Variants in FERMT1 observed in about 807,000 individuals in gnomAD.
FERMT1 encodes FERM domain containing kindlin 1.
Under a neutral mutation model 85.3 loss-of-function variants are expected in FERMT1, and 60 were observed. That is an observed-to-expected ratio of 0.70 (90% CI 0.57 to 0.87). The LOEUF (loss-of-function observed/expected upper bound fraction) is 0.87. Ranked by LOEUF, FERMT1 falls within the 40% of genes least tolerant of loss-of-function variation. The pLI, the probability that FERMT1 is intolerant of heterozygous loss-of-function variation, is 0.00. For synonymous variants in FERMT1, 275 were observed against 301.1 expected, an observed-to-expected ratio of 0.91 and a Z score of 0.90; for missense variants, 701 against 818.9, an observed-to-expected ratio of 0.86 and a Z score of 1.76.
rs1346687311 is a variant in FERMT1, at chr20:6,085,163, T to C, written c.1496A>G (p.Asn499Ser). 1 of 1,614,038 alleles carries C rather than the reference T, an allele frequency of 6.2e-7. No individual in the cohort carries two copies. The highest frequency in any genetic ancestry group is 1.3e-5 in the African/African-American group (1 of 74,980). The change falls in exon 12 of 15, where the codon AAC (asparagine) becomes AGC (serine). Residue 499 changes from asparagine to serine, a missense_variant. Coordinates refer to ENST00000217289, the MANE Select transcript of FERMT1 (RefSeq NM_017671.5). ...ACTGGAAGCCACCTGAGATGCAGAG[T>C]TCCTGTTTTTCATCCTCAGAAATGA... Reference protein sequence around the residue: ...ILSFLRMKNRNSASQVASSLE... With the variant: ...ILSFLRMKNRSSASQVASSLE...
At chr20:6,093,488 T>C (rs950334156) in intron 9 of FERMT1, among the ~76,000 whole-genome samples, 1 of 152,260 alleles carries the variant, frequency 6.6e-6, no homozygotes, top group East Asian at 1.9e-4. Flanking sequence ...ATTTGGTTCA[T>C]GAGGGGCTTG....
chr20:6,080,058 T>C (rs1328997556), intron 13 of FERMT1, among the ~76,000 whole-genome samples: 1 of 152,016 alleles, frequency 6.6e-6, no homozygotes, highest in Admixed American at 6.6e-5. Flanking sequence ...AGTGAAAAGG[T>C]GACATTTGAT....
At position 6,077,346 on chromosome 20, in the gene FERMT1, C is replaced by A; in HGVS notation, c.1861G>T (p.Val621Leu). The A allele has an allele frequency of 3.7e-6, 6 of 1,614,040 alleles. No homozygotes were observed. Among genetic ancestry groups the A allele is most frequent in the Non-Finnish European group, 5.1e-6 (6 of 1,179,992 alleles). ...ACGTTTTGGTCAAACTCGATGACCA[C>A]CTGGAAGAGGAAGGCACAGAGAAGC... Reference protein sequence around the residue: ...QWNVNWETRQVVIEFDQNVFT... With the variant: ...QWNVNWETRQLVIEFDQNVFT... Residue 621 changes from valine (V) to leucine (L), a missense_variant and splice_region_variant, in exon 15 of 15, where the codon GTG (valine) becomes TTG (leucine). Coordinates refer to ENST00000217289, the MANE Select transcript of FERMT1 (RefSeq NM_017671.5).
Position 6,107,622 on chromosome 20 carries a change from G to C in FERMT1, c.759C>G (p.Ser253=). Residue 253 remains serine, a synonymous_variant, in exon 6 of 15, where the codon TCC becomes TCG. Transcript: ENST00000217289. ...KAKLNAGWLD[S]SRSLMEQGIQ... The stretch of plus-strand genomic sequence containing the variant: ...TGCCTTGTTCCATAAGGGAGCGTGA[G>C]GAGTCTAGCCAACTAGAAAATGACA... The C allele has an allele frequency of 3.7e-6, 6 of 1,605,666 alleles. No homozygotes were observed. The highest frequency in any genetic ancestry group is 5.1e-6 in the Non-Finnish European group (6 of 1,172,654).
intron 4 of FERMT1, among the ~76,000 whole-genome samples, chr20:6,111,460 T>C (rs1046686298): frequency 2.1e-4 from 32 of 152,120 alleles, no homozygotes; most frequent in African/African-American, 7.5e-4. Context: ...GGCAAAACCC[T>C]GTCTCTACTA....
rs1349770296 is a variant in FERMT1, at chr20:6,075,088, G to T, written c.*2085C>A. 1 of 149,966 alleles carries T rather than the reference G, an allele frequency of 6.7e-6. No homozygotes were observed. 9.3% of individuals were successfully genotyped at this position (149,966 alleles called of 1,614,324 possible). A position where few individuals can be genotyped will look rare whatever the true frequency, so the allele number is the denominator to read the frequency against. ...TTGTCACACTTGTTTATTTCTTTGG[G>T]ATGTTGCTGTGTGTCATGGAAGAAA... On this transcript the variant is annotated 3_prime_UTR_variant, in exon 15 of 15. Coordinates refer to ENST00000217289, the MANE Select transcript of FERMT1 (RefSeq NM_017671.5).
At chr20:6,083,658 C>A (rs1011166381) in intron 13 of FERMT1, among the ~76,000 whole-genome samples, 5 of 125,444 alleles carry the variant, frequency 4.0e-5, no homozygotes, top group East Asian at 3.0e-4. Flanking sequence ...ATGAGACACC[C>A]CCCCCCCCGG....
intron 9 of FERMT1, among the ~76,000 whole-genome samples, chr20:6,090,173 C>A (rs563584402): frequency 1.3e-5 from 2 of 152,142 alleles, no homozygotes; most frequent in South Asian, 2.1e-4. Flanking sequence ...CTCCCTGGTT[C>A]AAGGGGTTCT....
intron 6 of FERMT1, among the ~76,000 whole-genome samples, chr20:6,107,289 T>C (rs1982824869): frequency 1.3e-5 from 2 of 151,562 alleles, no homozygotes; most frequent in Non-Finnish European, 2.9e-5. Context: ...GGGCAGTGCA[T>C]GCCACGCTAG....
Position 6,116,017 on chromosome 20 carries a change from G to C in FERMT1, c.179C>G (p.Ala60Gly). 3.7e-6 allele frequency: 6 copies of C among 1,614,068 alleles called. No homozygotes were observed. The highest frequency in any genetic ancestry group is 5.1e-6 in the Non-Finnish European group (6 of 1,179,954). Residue 60 changes from alanine to glycine, a missense_variant, in exon 3 of 15, where the codon GCT becomes GGT. Coordinates refer to ENST00000217289, the MANE Select transcript of FERMT1 (RefSeq NM_017671.5). Reference protein sequence around the residue: ...INISQDWSDFALWWEQKHCWL... With the variant: ...INISQDWSDFGLWWEQKHCWL... ...GCAATGCTTCTGTTCCCACCAAAGA[G>C]CAAAGTCTGACCAGTCTTGGGATAT... is the stretch of plus-strand genomic sequence containing the variant.
chr20:6,088,914 G>A (rs756760052), intron 10 of FERMT1, 51 bp downstream of exon 10: 13 of 1,583,554 alleles, frequency 8.2e-6, no homozygotes, highest in African/African-American at 1.3e-5. Context: ...TTGAGCCACC[G>A]CGTCTGCCCT....
At chr20:6,100,870 A>G (rs913087155) in intron 6 of FERMT1, among the ~76,000 whole-genome samples, 3 of 152,220 alleles carry the variant, frequency 2.0e-5, no homozygotes, top group African/African-American at 7.2e-5. Flanking sequence ...TATTTGAATA[A>G]TTAAAAAAGT....
intron 2 of FERMT1, among the ~76,000 whole-genome samples, chr20:6,116,842 G>A (rs374225196): frequency 3.5e-4 from 53 of 152,212 alleles, no homozygotes; most frequent in Middle Eastern, 3.4e-3. Flanking sequence ...AGTTCTGTTC[G>A]CTAAAATCTC....
chr20:6,112,721 A>ATG, intron 3 of FERMT1, 98 bp from the exon 4 acceptor site: 1 of 910,972 alleles, frequency 1.1e-6, no homozygotes, highest in Non-Finnish European at 1.6e-6. Flanking sequence ...TTTCTCAGGA[A>ATG]ATTTCTGAAA....
At chr20:6,098,808 G>GT (rs1399962542) in intron 6 of FERMT1, among the ~76,000 whole-genome samples, 1 of 152,116 alleles carries the variant, frequency 6.6e-6, no homozygotes, top group African/African-American at 2.4e-5. Flanking sequence ...TAAAAGACAG[G>GT]TAATAACCAG....
At position 6,077,860 on chromosome 20, in the gene FERMT1, C is replaced by T. The variant is rs541306861; in HGVS notation, c.1861-514G>A. ...CACACCTGGCTAATTTTTGTATTTTCAGTAGAGACGGGGGTTTCACCATGT... is the reference window on the plus strand; with the variant it reads ...CACACCTGGCTAATTTTTGTATTTTTAGTAGAGACGGGGGTTTCACCATGT... On this transcript the variant is annotated intron_variant, in intron 14 of 14. Coordinates refer to ENST00000217289, the MANE Select transcript of FERMT1 (RefSeq NM_017671.5). Among the ~76,000 whole-genome samples the T allele has an allele frequency of 6.6e-5, 10 of 152,018 alleles. No homozygotes were observed. The South Asian group carries it at 2.1e-3, about 32-fold the overall frequency.
intron 3 of FERMT1, among the ~76,000 whole-genome samples, chr20:6,114,065 C>T (rs1285137150): frequency 6.6e-6 from 1 of 152,140 alleles, no homozygotes; most frequent in African/African-American, 2.4e-5. Flanking sequence ...GCACTGATTC[C>T]ATTAAGTTCT....
chr20:6,109,902 C>CA (rs11436082), intron 5 of FERMT1, among the ~76,000 whole-genome samples: 58,706 of 123,420 alleles, frequency 0.48, 13,952 homozygotes, highest in African/African-American at 0.6. Context: ...AACTCCATCT[C>CA]AAAAAAAAAA....
In FERMT1 at chr20:6,075,964, C is replaced by T. The variant is rs1483458527; in HGVS notation, c.*1209G>A. ...AGGCAGCTGTTAATTGGCTCACTCT[C>T]TCAAGGCAAGCACTGTCTCAAGGCA... On this transcript the variant is annotated 3_prime_UTR_variant, in exon 15 of 15. Transcript: ENST00000217289. The T allele has an allele frequency of 6.6e-6, 1 of 152,422 alleles. No homozygotes were observed. The highest frequency in any genetic ancestry group is 1.5e-5 in the Non-Finnish European group (1 of 68,140). The allele number at this position is 152,422 out of a possible 1,614,324, so 9.4% of individuals were successfully genotyped here. A position where few individuals can be genotyped will look rare whatever the true frequency, so the allele number is the denominator to read the frequency against.
Sources: allele counts gnomAD v4.1 joint callset (sites outside exome capture counted in the v4.1 genomes callset), GRCh38; gene constraint gnomAD v4.1.1; transcripts MANE v1.5; gene names NCBI Gene and HGNC (gene_info 2026-07-23, HGNC 2026-07-21).